CREB3L1: variants seen among roughly 807,000 people sequenced by gnomAD.
CREB3L1 encodes cAMP responsive element binding protein 3 like 1.
In CREB3L1, 33 loss-of-function variants were observed where a neutral mutation model predicts 54.5. The ratio of observed to expected loss-of-function variants is 0.61; its 90% CI spans 0.46 to 0.81. The LOEUF is 0.81. Ranked by LOEUF, CREB3L1 falls within the 30% of genes least tolerant of loss-of-function variation. The pLI, the probability that CREB3L1 is intolerant of heterozygous loss-of-function variation, is 0.00. For missense variants in CREB3L1, 656 were observed against 673.3 expected (o/e 0.97, Z 0.29); for synonymous variants, 284 against 286.4 (o/e 0.99, Z 0.08).
At chr11:46,320,613 C>A (rs1939636497) in intron 11 of CREB3L1, 85 bp downstream of exon 11, 2 of 1,547,386 alleles carry the variant, frequency 1.3e-6, no homozygotes, top group African/African-American at 1.4e-5. Context: ...TGGCCACACC[C>A]TCCCAAGGCC....
chr11:46,302,273 G>A (rs1386465678), intron 2 of CREB3L1, among the ~76,000 whole-genome samples: 1 of 151,732 alleles, frequency 6.6e-6, no homozygotes, highest in African/African-American at 2.4e-5. Flanking sequence ...ATACTATGTT[G>A]TCCTCTGAGA....
Position 46,295,651 on chromosome 11 carries a change from G to C in CREB3L1, c.103-4284G>C, listed in dbSNP as rs1444414697. ...GCCCTCCACGCCGCCACCGGCTGCT[G>C]CTCGCAGCCTCCCGCCATTGGCCAG... is the stretch of plus-strand genomic sequence containing the variant. On this transcript the variant is annotated intron_variant, in intron 1 of 11. Coordinates refer to ENST00000621158, the MANE Select transcript of CREB3L1 (RefSeq NM_052854.4). The surrounding 1 kb of genome is among the most constrained non-coding windows in gnomAD (Gnocchi z 4.6). 6.6e-6 allele frequency among the ~76,000 whole-genome samples: 1 copy of C among 152,236 alleles called. No individual in the cohort carries two copies. Among genetic ancestry groups the C allele is most frequent in the Non-Finnish European group, 1.5e-5 (1 of 68,028 alleles).
rs1938893110 is a variant in CREB3L1, at chr11:46,277,733, TCGGGGG to T, written c.-378_-373del. On this transcript the variant is annotated 5_prime_UTR_variant, in exon 1 of 12. Coordinates refer to ENST00000621158, the MANE Select transcript of CREB3L1 (RefSeq NM_052854.4). The stretch of plus-strand genomic sequence containing the variant: ...AGGAGAGGCCGGCAGCCACCCAGTC[TCGGGGG>T]AGCACTTAGCTCCCCCGCCCCGGCT... 4.5e-6 allele frequency: 1 copy of T among 221,942 alleles called. No individual in the cohort carries two copies. Among genetic ancestry groups the T allele is most frequent in the Non-Finnish European group, 8.9e-6 (1 of 112,082 alleles). The allele number at this position is 221,942 out of a possible 1,614,324, so 13.7% of individuals were successfully genotyped here.
chr11:46,294,964 TC>T (rs2136341826), intron 1 of CREB3L1, among the ~76,000 whole-genome samples: 1 of 152,030 alleles, frequency 6.6e-6, no homozygotes, highest in South Asian at 2.1e-4. Context: ...ATGTCCGGGC[TC>T]AGGATTCCCC....
At chr11:46,306,958 C>T (rs1939406203) in intron 2 of CREB3L1, among the ~76,000 whole-genome samples, 1 of 151,884 alleles carries the variant, frequency 6.6e-6, no homozygotes, top group Non-Finnish European at 1.5e-5. Context: ...ACTGCAACCT[C>T]TGCCTCCCGG....
chr11:46,309,963 T>C (rs1350328093), intron 3 of CREB3L1, 26 bp from the exon 4 acceptor site: 1 of 1,575,954 alleles, frequency 6.3e-7, no homozygotes, highest in African/African-American at 1.3e-5. Flanking sequence ...GGGCAGCTAA[T>C]GGAGCTGGGC....
intron 2 of CREB3L1, among the ~76,000 whole-genome samples, chr11:46,300,565 G>A (rs1176296045): frequency 6.6e-6 from 1 of 152,188 alleles, no homozygotes; most frequent in Non-Finnish European, 1.5e-5. Flanking sequence ...AGACAGTGGG[G>A]GTAATTCAAT....
Position 46,312,659 on chromosome 11 carries a change from T to C in CREB3L1, c.951T>C (p.Cys317=). The C allele has an allele frequency of 1.2e-6, 2 of 1,610,040 alleles. No individual in the cohort carries two copies. Among genetic ancestry groups the C allele is most frequent in the Non-Finnish European group, 8.5e-7 (1 of 1,178,060 alleles). The change falls in exon 7 of 12, where the codon TGT becomes TGC. Residue 317 remains cysteine (C), a synonymous_variant. Transcript: ENST00000621158. ...GTAAGAAGAAGGAGTATGTGGAGTG[T>C]CTAGAAAAGAAGTAAGGGGCTTGGG... ...SRRKKKEYVE[C]LEKKVETFTS...
intron 5 of CREB3L1, among the ~76,000 whole-genome samples, chr11:46,311,535 C>T (rs150625323): frequency 6.6e-4 from 99 of 150,164 alleles, no homozygotes; most frequent in African/African-American, 2.3e-3. Flanking sequence ...GATGGAGTCT[C>T]GCTCTGTCGC....
Position 46,312,361 on chromosome 11 carries a change from G to A in CREB3L1, c.790G>A (p.Glu264Lys). The A allele has an allele frequency of 1.2e-6, 2 of 1,612,464 alleles. No individual in the cohort carries two copies. The highest frequency in any genetic ancestry group is 1.7e-6 in the Non-Finnish European group (2 of 1,179,144). Residue 264 changes from glutamate (E) to lysine (K), a missense_variant, in exon 6 of 12, where the codon GAG becomes AAG. Glu to Lys is a moderately conservative substitution (Grantham distance 56). Transcript: ENST00000621158. Reference protein sequence around the residue: ...QGTSGPLLLTEEEKRTLIAEG... With the variant: ...QGTSGPLLLTKEEKRTLIAEG... ...GACATCAGGGCCACTGCTCCTGACA[G>A]AGGAGGAGAAGCGGACCCTGATTGC... is the stretch of plus-strand genomic sequence containing the variant.
At chr11:46,299,026 A>C (rs990950509) in intron 1 of CREB3L1, among the ~76,000 whole-genome samples, 2 of 152,186 alleles carry the variant, frequency 1.3e-5, no homozygotes, top group African/African-American at 4.8e-5. Context: ...TGTTTCTAAG[A>C]AATATATTTT....
chr11:46,304,150 C>T (rs1939341274), intron 2 of CREB3L1, among the ~76,000 whole-genome samples: 1 of 152,148 alleles, frequency 6.6e-6, no homozygotes, highest in South Asian at 2.1e-4. Context: ...ACAATGGTGC[C>T]TGCCCCCAGA....
At chr11:46,314,404 T>C (rs1346016082) in intron 8 of CREB3L1, among the ~76,000 whole-genome samples, 1 of 152,190 alleles carries the variant, frequency 6.6e-6, no homozygotes, top group East Asian at 1.9e-4. Flanking sequence ...TTTATTTTCT[T>C]GAGATAGGGT....
At chr11:46,311,270 T>A in intron 5 of CREB3L1, 81 bp downstream of exon 5, 2 of 1,411,836 alleles carry the variant, frequency 1.4e-6, no homozygotes, top group East Asian at 5.5e-5. Flanking sequence ...TCAGGAGGGT[T>A]TGGGGAGCCC....
intron 2 of CREB3L1, among the ~76,000 whole-genome samples, chr11:46,305,016 G>A (rs1409577444): frequency 6.6e-6 from 1 of 152,118 alleles, no homozygotes; most frequent in Non-Finnish European, 1.5e-5. Context: ...CTCCCAACAG[G>A]GTGCGGCCTG....
intron 3 of CREB3L1, among the ~76,000 whole-genome samples, chr11:46,308,753 T>C (rs561924756): frequency 6.6e-6 from 1 of 152,314 alleles, no homozygotes; most frequent in South Asian, 2.1e-4. Flanking sequence ...TCACTTGCTC[T>C]AACTGTACGT....
Position 46,311,113 on chromosome 11 carries a change from C to T in CREB3L1, c.677C>T (p.Pro226Leu). The change falls in exon 5 of 12, where the codon CCC becomes CTC. Residue 226 changes from proline (P) to leucine (L), a missense_variant. Pro to Leu is a moderately conservative substitution (Grantham distance 98, BLOSUM62 -3). Transcript: ENST00000621158. ...GGCTCCCAGAGTCCCCGCTCTCTGC[C>T]CCCCTCCAGCCCTGTCAGGCCCATG... ...SDGSQSPRSLPPSSPVRPMAR... is the reference protein window; with the variant it reads ...SDGSQSPRSLLPSSPVRPMAR... 6.2e-7 allele frequency: 1 copy of T among 1,607,702 alleles called. No homozygotes were observed. Among genetic ancestry groups the T allele is most frequent in the Non-Finnish European group, 8.5e-7 (1 of 1,179,136 alleles).
Position 46,320,522 on chromosome 11 carries a change from A to G in CREB3L1, c.1517A>G (p.His506Arg), listed in dbSNP as rs765671404. ...PDFSHSKEWF[H>R]DRDLGPNTTI... Reference sequence around the variant, plus strand: ...TTCTCCCACTCCAAGGAGTGGTTCCACGACAGGTGGGGTGTGTGGCCCCTT... The same window carrying G: ...TTCTCCCACTCCAAGGAGTGGTTCCGCGACAGGTGGGGTGTGTGGCCCCTT... The change falls in exon 11 of 12, where the codon CAC becomes CGC. Residue 506 changes from histidine (H) to arginine (R), a missense_variant. His to Arg is a conservative substitution (Grantham distance 29, BLOSUM62 0). Transcript: ENST00000621158. 1 of 1,429,668 alleles carries G rather than the reference A, an allele frequency of 7.0e-7. No individual in the cohort carries two copies. Among genetic ancestry groups the G allele is most frequent in the South Asian group, 1.2e-5 (1 of 82,086 alleles). The allele number at this position is 1,429,668 out of a possible 1,614,324, so 88.6% of individuals were successfully genotyped here.
rs754012136 is a variant in CREB3L1, at chr11:46,320,532, G to GGTGTGTGGCCCCTTT, written c.1523+5_1523+6insTGTGTGGCCCCTTTG. 8.5e-6 allele frequency: 12 copies of GGTGTGTGGCCCCTTT among 1,415,010 alleles called. No homozygotes were observed. The highest frequency in any genetic ancestry group is 2.7e-5 in the East Asian group (1 of 36,976). 87.7% of individuals were successfully genotyped at this position (1,415,010 alleles called of 1,614,324 possible). A position where few individuals can be genotyped will look rare whatever the true frequency, so the allele number is the denominator to read the frequency against. On this transcript the variant is annotated splice_donor_region_variant and intron_variant, in intron 11 of 11. Coordinates refer to ENST00000621158, the MANE Select transcript of CREB3L1 (RefSeq NM_052854.4). ...CCAAGGAGTGGTTCCACGACAGGTG[G>GGTGTGTGGCCCCTTT]GGTGTGTGGCCCCTTTCCCTCCTGA...
Sources: allele counts gnomAD v4.1 joint callset (sites outside exome capture counted in the v4.1 genomes callset), GRCh38; gene constraint gnomAD v4.1.1; non-coding constraint Gnocchi (gnomAD v3.1); transcripts MANE v1.5; gene names NCBI Gene and HGNC (gene_info 2026-07-23, HGNC 2026-07-21).